CNTN5: variants seen among roughly 807,000 people sequenced by gnomAD.
CNTN5 encodes contactin 5.
In CNTN5, 77 loss-of-function variants were observed where a neutral mutation model predicts 129.1. That is an observed-to-expected ratio of 0.60 (90% CI 0.50 to 0.72). The LOEUF (loss-of-function observed/expected upper bound fraction) is 0.72. CNTN5 is among the 30% of genes least tolerant of loss of function. The pLI is 0.00. For synonymous variants in CNTN5, 509 were observed against 465.6 expected, an observed-to-expected ratio of 1.09 and a Z score of -1.20; for missense variants, 1,478 against 1,328.8, an observed-to-expected ratio of 1.11 and a Z score of -1.75.
At chr11:99,730,666 A>T (rs115817713) in intron 3 of CNTN5, among the ~76,000 whole-genome samples, 1 of 151,818 alleles carries the variant, frequency 6.6e-6, no homozygotes, top group Non-Finnish European at 1.5e-5. Context: ...GAGTATTTTA[A>T]AAAATTATTT....
In CNTN5 at chr11:99,305,787, C is replaced by A. The variant is rs144473562; in HGVS notation, c.-209-19559C>A. 3.1e-3 allele frequency among the ~76,000 whole-genome samples: 473 copies of A among 151,914 alleles called. 4 individuals carry two copies. The highest frequency in any genetic ancestry group is 0.011 in the African/African-American group (449 of 41,432). On this transcript the variant is annotated intron_variant, in intron 1 of 24. Transcript: ENST00000524871. The stretch of plus-strand genomic sequence containing the variant: ...CCTGAGGTCGGGAGTTCGGGACCAG[C>A]CTGACAAACAAGGTGAAACCCCATC...
intron 3 of CNTN5, among the ~76,000 whole-genome samples, chr11:99,587,746 G>A (rs570876585): frequency 1.4e-5 from 1 of 71,820 alleles, no homozygotes; most frequent in African/African-American, 4.8e-5. Flanking sequence ...AAAACTAGTA[G>A]CAGAGTTCTC....
intron 1 of CNTN5, among the ~76,000 whole-genome samples, chr11:99,212,431 C>T (rs1289709721): frequency 1.3e-5 from 2 of 152,112 alleles, no homozygotes; most frequent in South Asian, 2.1e-4. Flanking sequence ...TTTCCACTAT[C>T]GATAATACCT....
At chr11:99,403,738 T>G (rs1941939812) in intron 2 of CNTN5, among the ~76,000 whole-genome samples, 1 of 152,188 alleles carries the variant, frequency 6.6e-6, no homozygotes, top group Non-Finnish European at 1.5e-5. Flanking sequence ...TTATTTCAAT[T>G]TTTTGAATGT....
chr11:100,308,224 GTTGTGTT>G, intron 20 of CNTN5, 128 bp from the exon 21 acceptor site: 1 of 696,276 alleles, frequency 1.4e-6, no homozygotes, highest in East Asian at 2.9e-5. Flanking sequence ...TTTATATTTT[GTTGTGTT>G]TTTTATAACT....
chr11:99,755,991 A>T lies in CNTN5; in HGVS notation c.56-63553A>T, dbSNP rs553825639. On this transcript the variant is annotated intron_variant, in intron 3 of 24. Transcript: ENST00000524871. The stretch of plus-strand genomic sequence containing the variant: ...AAATCAAAGGAAATATCCCTCCCCC[A>T]TATATTAATTATTACTATATCCTTG... Among the ~76,000 whole-genome samples, 47 of 152,180 alleles carry T rather than the reference A, an allele frequency of 3.1e-4. No individual in the cohort carries two copies. In the South Asian group the frequency reaches 9.1e-3, roughly 30 times the overall value.
chr11:99,661,324 G>A (rs1026006508), intron 3 of CNTN5, among the ~76,000 whole-genome samples: 1 of 152,122 alleles, frequency 6.6e-6, no homozygotes, highest in Non-Finnish European at 1.5e-5. Flanking sequence ...AAGCAGTAAT[G>A]AAATTAAAAT....
chr11:99,428,691 T>G (rs1943242839), intron 2 of CNTN5, among the ~76,000 whole-genome samples: 1 of 152,100 alleles, frequency 6.6e-6, no homozygotes, highest in Non-Finnish European at 1.5e-5. Flanking sequence ...CTAAATTATA[T>G]GTTTATGTAT....
At chr11:99,847,826 G>C (rs1947748799) in intron 6 of CNTN5, among the ~76,000 whole-genome samples, 1 of 152,114 alleles carries the variant, frequency 6.6e-6, no homozygotes, top group South Asian at 2.1e-4. Context: ...TCAAAGATTA[G>C]GGAGAGAAAC....
intron 2 of CNTN5, among the ~76,000 whole-genome samples, chr11:99,377,026 G>A (rs1940228013): frequency 6.6e-6 from 1 of 152,138 alleles, no homozygotes; most frequent in Non-Finnish European, 1.5e-5. Context: ...TTTGCTGAGT[G>A]ATATAAGGAA....
intron 16 of CNTN5, among the ~76,000 whole-genome samples, chr11:100,244,122 G>A (rs1303250098): frequency 6.6e-6 from 1 of 152,076 alleles, no homozygotes; most frequent in Non-Finnish European, 1.5e-5. Context: ...CATTGCTGTG[G>A]TGTTTAAGGT....
intron 16 of CNTN5, among the ~76,000 whole-genome samples, chr11:100,254,746 T>C (rs1950033667): frequency 6.6e-6 from 1 of 152,216 alleles, no homozygotes; most frequent in Non-Finnish European, 1.5e-5. Flanking sequence ...TCTTAGGGTT[T>C]AGCTCATGTC....
intron 2 of CNTN5, among the ~76,000 whole-genome samples, chr11:99,533,319 C>T (rs1054030864): frequency 3.3e-5 from 5 of 152,218 alleles, no homozygotes; most frequent in African/African-American, 1.2e-4. Context: ...TGCAATCTTC[C>T]CCTTCCCCAC....
intron 9 of CNTN5, among the ~76,000 whole-genome samples, chr11:100,048,025 G>C (rs1942776949): frequency 6.6e-6 from 1 of 152,098 alleles, no homozygotes; most frequent in African/African-American, 2.4e-5. Flanking sequence ...CAGCTACTGG[G>C]GGTGCTGAGG....
chr11:99,151,127 A>G (rs1461487876), intron 1 of CNTN5, among the ~76,000 whole-genome samples: 1 of 152,144 alleles, frequency 6.6e-6, no homozygotes, highest in East Asian at 1.9e-4. Context: ...TCAATTAGGT[A>G]TTTGATAATG....
chr11:99,779,679 T>A (rs1178587284), intron 3 of CNTN5, among the ~76,000 whole-genome samples: 2 of 152,114 alleles, frequency 1.3e-5, no homozygotes, highest in African/African-American at 4.8e-5. Context: ...GACAAGGAAA[T>A]TGAGGCATTG....
At chr11:100,074,563 TTTTG>T (rs1944052948) in intron 13 of CNTN5, among the ~76,000 whole-genome samples, 1 of 152,176 alleles carries the variant, frequency 6.6e-6, no homozygotes, top group South Asian at 2.1e-4. Flanking sequence ...AACTAATTAT[TTTTG>T]TTTGTTTTTC....
intron 3 of CNTN5, among the ~76,000 whole-genome samples, chr11:99,643,113 G>C (rs2510973): frequency 0.6 from 91,204 of 151,732 alleles, 28,218 homozygotes; most frequent in Admixed American, 0.69. Flanking sequence ...GGATATATAA[G>C]GTTTTAAAAA....
Position 99,502,789 on chromosome 11 carries a change from C to G in CNTN5, c.-70-53356C>G, listed in dbSNP as rs190347432. 3.2e-4 allele frequency among the ~76,000 whole-genome samples: 48 copies of G among 152,254 alleles called. 1 individual carries two copies. Among genetic ancestry groups the G allele is most frequent in the Admixed American group, 1.8e-3 (27 of 15,292 alleles). Reference sequence around the variant, plus strand: ...ACCCTCCTAGAGGTAAACTAAAGACCTATATGATGTCTCACTTTTCATCTT... The same window carrying G: ...ACCCTCCTAGAGGTAAACTAAAGACGTATATGATGTCTCACTTTTCATCTT... On this transcript the variant is annotated intron_variant, in intron 2 of 24. Coordinates refer to ENST00000524871, the MANE Select transcript of CNTN5 (RefSeq NM_014361.4).
Sources: gnomAD v4.1 joint callset for allele counts (sites outside exome capture counted in the v4.1 genomes callset) on GRCh38, gnomAD v4.1.1 for gene constraint, MANE v1.5 for transcripts, NCBI Gene and HGNC (gene_info 2026-07-23, HGNC 2026-07-21) for gene names.